The following UNC5D variants were observed in gnomAD, a reference collection of about 807,000 sequenced individuals.
UNC5D encodes the protein netrin receptor UNC5D.
A neutral mutation model predicts 105.4 loss-of-function variants in UNC5D; 39 were observed. That is an observed-to-expected ratio of 0.37 (90% CI 0.29 to 0.48). UNC5D has a LOEUF of 0.48. Ranked by LOEUF, UNC5D falls within the 20% of genes least tolerant of loss-of-function variation. The pLI, the probability that UNC5D is intolerant of heterozygous loss-of-function variation, is 0.98. For missense variants in UNC5D, 991 were observed against 1,202.4 expected, an observed-to-expected ratio of 0.82 and a Z score of 2.60; for synonymous variants, 452 against 450.4, an observed-to-expected ratio of 1.00 and a Z score of -0.04.
intron 1 of UNC5D, among the ~76,000 whole-genome samples, chr8:35,249,132 T>C (rs1803503398): frequency 7.5e-6 from 1 of 133,718 alleles, no homozygotes; most frequent in Non-Finnish European, 1.5e-5. Context: ...TAAAATTATA[T>C]ATAATTATAT....
intron 1 of UNC5D, among the ~76,000 whole-genome samples, chr8:35,335,898 G>GGACT (rs1256122163): frequency 6.6e-6 from 1 of 151,304 alleles, no homozygotes; most frequent in Non-Finnish European, 1.5e-5. Flanking sequence ...CGAGTAGCTG[G>GGACT]GACTACAGGT....
At chr8:35,376,139 A>G (rs1177552021) in intron 1 of UNC5D, among the ~76,000 whole-genome samples, 1 of 152,204 alleles carries the variant, frequency 6.6e-6, no homozygotes, top group Non-Finnish European at 1.5e-5. Context: ...TAGTGGTGCT[A>G]TCTAAAGAGT....
At chr8:35,462,759 G>A (rs890494389) in intron 1 of UNC5D, among the ~76,000 whole-genome samples, 2 of 152,152 alleles carry the variant, frequency 1.3e-5, no homozygotes, top group African/African-American at 4.8e-5. Flanking sequence ...ACCCAAAGGA[G>A]TAAGAGCAAA....
At chr8:35,354,322 A>G (rs1001532844) in intron 1 of UNC5D, among the ~76,000 whole-genome samples, 2 of 152,062 alleles carry the variant, frequency 1.3e-5, no homozygotes, top group African/African-American at 2.4e-5. Flanking sequence ...GACAAATATG[A>G]GTGACAGACT....
chr8:35,258,396 A>G (rs1337986363), intron 1 of UNC5D, among the ~76,000 whole-genome samples: 3 of 152,192 alleles, frequency 2.0e-5, no homozygotes, highest in African/African-American at 7.2e-5. Context: ...TTTTTAAAAG[A>G]GACAGTAGAG....
In UNC5D at chr8:35,418,659, G is replaced by A. The variant is rs1805684081; in HGVS notation, c.104-130633G>A. ...AAGAAAAGGCGAGAATTAATTGGGA[G>A]AACCTCATTAAGGAAAGTTCCACCC... On this transcript the variant is annotated intron_variant, in intron 1 of 16. Transcript: ENST00000404895. 1.3e-5 allele frequency among the ~76,000 whole-genome samples: 2 copies of A among 152,152 alleles called. 1 individual carries two copies. The highest frequency in any genetic ancestry group is 2.9e-5 in the Non-Finnish European group (2 of 68,036).
intron 11 of UNC5D, among the ~76,000 whole-genome samples, chr8:35,744,759 T>A (rs962640277): frequency 6.6e-6 from 1 of 151,860 alleles, no homozygotes; most frequent in Non-Finnish European, 1.5e-5. Flanking sequence ...GAAAAAAAAA[T>A]AATCCCTGAG....
chr8:35,667,546 C>T (rs1214639495), intron 4 of UNC5D, among the ~76,000 whole-genome samples: 2 of 152,158 alleles, frequency 1.3e-5, no homozygotes, highest in Non-Finnish European at 2.9e-5. Flanking sequence ...ATGGATTCTA[C>T]CTGTAAAACA....
chr8:35,787,417 G>T (rs576296557), intron 16 of UNC5D, among the ~76,000 whole-genome samples: 18 of 152,234 alleles, frequency 1.2e-4, no homozygotes, highest in African/African-American at 4.3e-4. Flanking sequence ...GGACATAAAA[G>T]AAGATTGTCA....
chr8:35,270,216 G>A (rs1304928778), intron 1 of UNC5D, among the ~76,000 whole-genome samples: 1 of 152,072 alleles, frequency 6.6e-6, no homozygotes, highest in Non-Finnish European at 1.5e-5. Context: ...ATTTTTAAAC[G>A]GTCACCTAGT....
At chr8:35,674,649 G>A (rs192099714) in intron 4 of UNC5D, among the ~76,000 whole-genome samples, 22 of 152,276 alleles carry the variant, frequency 1.4e-4, no homozygotes, top group East Asian at 1.9e-4. Context: ...AACCTAAAGC[G>A]AATGAGAAAT....
Position 35,790,712 on chromosome 8 carries a change from A to G in UNC5D, c.*149A>G. ...TCCCCTGTTGAAGAAACTAAATTTT[A>G]TATAGGTAAAACATGTTAATAGGGA... On this transcript the variant is annotated 3_prime_UTR_variant, in exon 17 of 17. Transcript: ENST00000404895. 1 of 778,620 alleles carries G rather than the reference A, an allele frequency of 1.3e-6. No homozygotes were observed. Among genetic ancestry groups the G allele is most frequent in the Non-Finnish European group, 2.1e-6 (1 of 484,186 alleles). 48.2% of individuals were successfully genotyped at this position (778,620 alleles called of 1,614,324 possible).
At chr8:35,313,468 T>C (rs1240156567) in intron 1 of UNC5D, among the ~76,000 whole-genome samples, 1 of 152,196 alleles carries the variant, frequency 6.6e-6, no homozygotes. Context: ...CAATTCCATA[T>C]GGAAGTTTGC....
intron 1 of UNC5D, among the ~76,000 whole-genome samples, chr8:35,389,275 C>T (rs745524718): frequency 2.0e-5 from 3 of 152,104 alleles, no homozygotes; most frequent in Non-Finnish European, 4.4e-5. Context: ...ATTTGTGGCC[C>T]TCTAAAACTA....
At chr8:35,602,667 G>A (rs1819973272) in intron 4 of UNC5D, among the ~76,000 whole-genome samples, 1 of 152,042 alleles carries the variant, frequency 6.6e-6, no homozygotes, top group Non-Finnish European at 1.5e-5. Context: ...ATTTTTTATT[G>A]CGTCTATTTG....
chr8:35,730,982 T>C (rs759501959), intron 10 of UNC5D, 30 bp from the exon 11 acceptor site: 3 of 1,607,806 alleles, frequency 1.9e-6, no homozygotes, highest in Non-Finnish European at 2.6e-6. Context: ...GAAAAATCTA[T>C]GAATAACCTG....
At chr8:35,324,254 A>AAAAAAAAAAAT (rs1809978474) in intron 1 of UNC5D, among the ~76,000 whole-genome samples, 8 of 150,734 alleles carry the variant, frequency 5.3e-5, no homozygotes, top group Non-Finnish European at 8.9e-5. Context: ...AAAAAAAAAA[A>AAAAAAAAAAAT]GTGATGAGTC....
chr8:35,711,033 G>A (rs1299722206), intron 8 of UNC5D, among the ~76,000 whole-genome samples: 2 of 126,914 alleles, frequency 1.6e-5, no homozygotes, highest in Non-Finnish European at 3.0e-5. Context: ...CTGCCTCCCG[G>A]GTTCACGCCA....
At chr8:35,340,076 G>C (rs1811352272) in intron 1 of UNC5D, among the ~76,000 whole-genome samples, 1 of 152,144 alleles carries the variant, frequency 6.6e-6, no homozygotes, top group Non-Finnish European at 1.5e-5. Flanking sequence ...CCTAGTCTAT[G>C]TTCAGGAATG....
Sources: allele counts gnomAD v4.1 joint callset (sites outside exome capture counted in the v4.1 genomes callset), GRCh38; gene constraint gnomAD v4.1.1; transcripts MANE v1.5; gene names NCBI Gene and HGNC (gene_info 2026-07-23, HGNC 2026-07-21).